DOCK8: variants seen among roughly 807,000 people sequenced by gnomAD.
DOCK8 encodes dedicator of cytokinesis 8.
In DOCK8, 141 loss-of-function variants were observed where a neutral mutation model predicts 245.6. That is an observed-to-expected ratio of 0.57 (90% CI 0.50 to 0.66). The LOEUF is 0.66. Ranked by LOEUF, DOCK8 falls within the 30% of genes least tolerant of loss-of-function variation. DOCK8 has a pLI of 0.00. For synonymous variants in DOCK8, 1,168 were observed against 970.2 expected, an observed-to-expected ratio of 1.20 and a Z score of -3.79; for missense variants, 2,965 against 2,603.4, an observed-to-expected ratio of 1.14 and a Z score of -3.02.
intron 15 of DOCK8, 141 bp downstream of exon 15, chr9:368,276 C>T: frequency 1.2e-6 from 1 of 804,676 alleles, no homozygotes. Flanking sequence ...GGCTTCTGTG[C>T]CCAGGATATC....
chr9:367,098 T>C (rs749585261), intron 14 of DOCK8, among the ~76,000 whole-genome samples: 2 of 152,186 alleles, frequency 1.3e-5, no homozygotes, highest in Non-Finnish European at 2.9e-5. Flanking sequence ...ACAATGATAA[T>C]AGTACCAACC....
At chr9:430,403 C>T (rs936181606) in intron 36 of DOCK8, among the ~76,000 whole-genome samples, 2 of 151,646 alleles carry the variant, frequency 1.3e-5, no homozygotes, top group African/African-American at 4.8e-5. Flanking sequence ...ATAAAATAAC[C>T]AGGTGCAGTG....
At chr9:333,251 A>C (rs1441727884) in intron 10 of DOCK8, among the ~76,000 whole-genome samples, 1 of 152,250 alleles carries the variant, frequency 6.6e-6, no homozygotes, top group Non-Finnish European at 1.5e-5. Context: ...TGTTGAGCCT[A>C]TGAAAAGGAT....
At chr9:255,440 G>A (rs1414561019) in intron 1 of DOCK8, among the ~76,000 whole-genome samples, 1 of 152,070 alleles carries the variant, frequency 6.6e-6, no homozygotes, top group East Asian at 1.9e-4. Flanking sequence ...GGCCAAGGCG[G>A]GCAGATCACC....
chr9:437,495 G>C (rs2056943922), intron 39 of DOCK8, among the ~76,000 whole-genome samples: 1 of 152,138 alleles, frequency 6.6e-6, no homozygotes, highest in Non-Finnish European at 1.5e-5. Flanking sequence ...CTGATTTACT[G>C]ACCCCGGGTC....
intron 5 of DOCK8, among the ~76,000 whole-genome samples, chr9:308,555 C>G (rs1249103008): frequency 1.3e-5 from 2 of 152,196 alleles, no homozygotes; most frequent in Non-Finnish European, 2.9e-5. Flanking sequence ...TTCCTTGGTA[C>G]ACGTAGATTT....
At chr9:454,969 T>G (rs2131910347) in intron 46 of DOCK8, among the ~76,000 whole-genome samples, 1 of 152,302 alleles carries the variant, frequency 6.6e-6, no homozygotes, top group East Asian at 1.9e-4. Flanking sequence ...TCATTAGAGT[T>G]TCAATAATGA....
chr9:360,890 T>TGGCTTG (rs2052696177), intron 14 of DOCK8, among the ~76,000 whole-genome samples: 1 of 152,146 alleles, frequency 6.6e-6, no homozygotes, highest in African/African-American at 2.4e-5. Flanking sequence ...CTGGTCACAG[T>TGGCTTG]GGCTTGGGCT....
At chr9:314,818 A>G (rs1007565719) in intron 6 of DOCK8, among the ~76,000 whole-genome samples, 1 of 146,806 alleles carries the variant, frequency 6.8e-6, no homozygotes, top group African/African-American at 2.6e-5. Flanking sequence ...TTTTAAATAT[A>G]TCATTACTTG....
chr9:433,020 T>C (rs1289613266), intron 37 of DOCK8, among the ~76,000 whole-genome samples: 3 of 152,258 alleles, frequency 2.0e-5, no homozygotes, highest in African/African-American at 7.2e-5. Flanking sequence ...TGTTTTCTTT[T>C]ATTCCCTTAG....
intron 9 of DOCK8, among the ~76,000 whole-genome samples, chr9:331,954 T>C (rs1414756528): frequency 6.6e-6 from 1 of 152,222 alleles, no homozygotes; most frequent in East Asian, 1.9e-4. Context: ...AGAGACCATA[T>C]CTCTTTTTTA....
intron 14 of DOCK8, among the ~76,000 whole-genome samples, chr9:346,827 T>C (rs2051912648): frequency 6.7e-6 from 1 of 148,936 alleles, no homozygotes; most frequent in Non-Finnish European, 1.5e-5. Context: ...GGAAGGAATG[T>C]CTGCGAGTTA....
chr9:371,901 T>C (rs1026134111), intron 17 of DOCK8, among the ~76,000 whole-genome samples: 1 of 152,092 alleles, frequency 6.6e-6, no homozygotes, highest in Non-Finnish European at 1.5e-5. Flanking sequence ...TTAAAAGATA[T>C]AAAAGGTGAA....
intron 1 of DOCK8, among the ~76,000 whole-genome samples, chr9:217,605 G>T (rs1237458589): frequency 6.6e-6 from 1 of 152,156 alleles, no homozygotes; most frequent in East Asian, 1.9e-4. Context: ...GTGTTGTGTG[G>T]GAGAGTTATG....
chr9:322,744 C>G (rs1160406659), intron 7 of DOCK8, among the ~76,000 whole-genome samples: 1 of 152,122 alleles, frequency 6.6e-6, no homozygotes, highest in Non-Finnish European at 1.5e-5. Flanking sequence ...AGGGAGTAAA[C>G]AATTAAATAT....
intron 30 of DOCK8, among the ~76,000 whole-genome samples, chr9:418,961 C>T (rs1406150831): frequency 6.6e-6 from 1 of 152,078 alleles, no homozygotes; most frequent in Non-Finnish European, 1.5e-5. Flanking sequence ...TTTCTAGGAC[C>T]CCAGGGAGCC....
chr9:358,816 T>A (rs946780268), intron 14 of DOCK8, among the ~76,000 whole-genome samples: 4 of 152,110 alleles, frequency 2.6e-5, no homozygotes, highest in African/African-American at 9.7e-5. Context: ...GCCATTGCAC[T>A]CCAGCCTGGG....
chr9:369,572 A>G (rs549763847), intron 15 of DOCK8: 1 of 154,320 alleles, frequency 6.5e-6, no homozygotes, highest in South Asian at 2.0e-4. Flanking sequence ...GTAGGTCTGT[A>G]TGTTTGAGAG....
chr9:274,107 CGTTTGGTAA>C (rs1440289777), intron 2 of DOCK8, among the ~76,000 whole-genome samples: 2 of 152,080 alleles, frequency 1.3e-5, no homozygotes, highest in African/African-American at 4.8e-5. Context: ...TGTAAGCATT[CGTTTGGTAA>C]GTTTGCTGCC....
Sources: allele counts gnomAD v4.1 joint callset (sites outside exome capture counted in the v4.1 genomes callset), GRCh38; gene constraint gnomAD v4.1.1; transcripts MANE v1.5; gene names NCBI Gene and HGNC (gene_info 2026-07-23, HGNC 2026-07-21).